Variants in ARMC9 observed in about 807,000 individuals in gnomAD.
The protein encoded by ARMC9 is lisH domain-containing protein ARMC9.
A neutral mutation model predicts 107.0 loss-of-function variants in ARMC9; 94 were observed. That is an observed-to-expected ratio of 0.88 (90% CI 0.74 to 1.04). ARMC9 has a LOEUF of 1.04. Ranked by LOEUF, ARMC9 falls within the 50% of genes least tolerant of loss-of-function variation. The pLI, the probability that ARMC9 is intolerant of heterozygous loss-of-function variation, is 0.00. For synonymous variants in ARMC9, 380 were observed against 396.9 expected, an observed-to-expected ratio of 0.96 and a Z score of 0.51; for missense variants, 942 against 1,030.1, an observed-to-expected ratio of 0.91 and a Z score of 1.17.
At chr2:231,346,177 C>G (rs2044805356) in intron 21 of ARMC9, among the ~76,000 whole-genome samples, 1 of 152,202 alleles carries the variant, frequency 6.6e-6, no homozygotes, top group Non-Finnish European at 1.5e-5. Flanking sequence ...GCCCTTTTCT[C>G]TCTTAAACTT....
chr2:231,209,818 G>A (rs900363521), intron 3 of ARMC9, among the ~76,000 whole-genome samples: 6 of 152,036 alleles, frequency 3.9e-5, no homozygotes, highest in African/African-American at 1.2e-4. Flanking sequence ...TTACAGATGT[G>A]GCCACCACAC....
intron 9 of ARMC9, among the ~76,000 whole-genome samples, chr2:231,245,896 G>A (rs1365553375): frequency 6.6e-6 from 1 of 152,128 alleles, no homozygotes; most frequent in Admixed American, 6.5e-5. Context: ...AGAGGGGGCT[G>A]TTCCACCCAC....
At chr2:231,354,379 T>G (rs2045247491) in intron 21 of ARMC9, among the ~76,000 whole-genome samples, 1 of 120,464 alleles carries the variant, frequency 8.3e-6, no homozygotes, top group Non-Finnish European at 1.7e-5. Context: ...CATGTGAATT[T>G]TTTTTTTTTT....
rs188247478 is a variant in ARMC9, at chr2:231,340,882, G to C, written c.1879-4093G>C. Among the ~76,000 whole-genome samples the C allele has an allele frequency of 1.6e-4, 25 of 151,942 alleles. No individual in the cohort carries two copies. In the South Asian group the frequency reaches 4.6e-3, roughly 28 times the overall value. Reference sequence around the variant, plus strand: ...CCGCCTGGGCAACAGAGCAAGCTCCGTCTCAAAACAAACAAACAAACAAAC... The same window carrying C: ...CCGCCTGGGCAACAGAGCAAGCTCCCTCTCAAAACAAACAAACAAACAAAC... On this transcript the variant is annotated intron_variant, in intron 20 of 24. Coordinates refer to ENST00000611582, the MANE Select transcript of ARMC9 (RefSeq NM_001352754.2).
chr2:231,315,571 T>C (rs1319098511), intron 19 of ARMC9, among the ~76,000 whole-genome samples: 1 of 152,144 alleles, frequency 6.6e-6, no homozygotes, highest in African/African-American at 2.4e-5. Context: ...TGACCACAAA[T>C]GTAAGAATTT....
At chr2:231,199,049 C>T (rs1221971011) in intron 1 of ARMC9, 1 of 152,220 alleles carries the variant, frequency 6.6e-6, no homozygotes, top group African/African-American at 2.4e-5. Flanking sequence ...TTTAGATCCC[C>T]CTGATAATCT....
rs1208161468 is a variant in ARMC9, at chr2:231,203,070, C to G, written c.-41-3128C>G. On this transcript the variant is annotated intron_variant, in intron 1 of 24. Transcript: ENST00000611582. ...GTCTGTAGGAGAGTGTGGCTCTGAC[C>G]TAACTCGGTCGGAAGTCCCTCCCAG... Among the ~76,000 whole-genome samples, 3 of 152,196 alleles carry G rather than the reference C, an allele frequency of 2.0e-5. No individual in the cohort carries two copies. In the South Asian group the frequency reaches 6.2e-4, roughly 32 times the overall value.
At chr2:231,304,933 G>A (rs981727459) in intron 19 of ARMC9, among the ~76,000 whole-genome samples, 2 of 152,138 alleles carry the variant, frequency 1.3e-5, no homozygotes, top group African/African-American at 2.4e-5. Context: ...GACATCTGCT[G>A]TATACTTAAG....
At chr2:231,235,468 C>T (rs1422779177) in intron 8 of ARMC9, 87 bp downstream of exon 8, 3 of 1,466,296 alleles carry the variant, frequency 2.0e-6, no homozygotes, top group Non-Finnish European at 1.8e-6. Flanking sequence ...GCAGGTGGAG[C>T]CTGCCTCTCT....
chr2:231,344,928 C>A, intron 20 of ARMC9, 47 bp from the exon 21 acceptor site: 1 of 1,594,690 alleles, frequency 6.3e-7, no homozygotes. Flanking sequence ...TAGGTCAGCT[C>A]TCTAATAGAT....
chr2:231,293,023 A>G (rs1169020719), intron 18 of ARMC9, among the ~76,000 whole-genome samples: 1 of 152,136 alleles, frequency 6.6e-6, no homozygotes, highest in Non-Finnish European at 1.5e-5. Context: ...CGCAGAAACG[A>G]GGGTGTCCAA....
At chr2:231,314,719 A>T (rs1179371303) in intron 19 of ARMC9, among the ~76,000 whole-genome samples, 6 of 152,194 alleles carry the variant, frequency 3.9e-5, no homozygotes. Context: ...CTAGTTGGAA[A>T]CCATTGGCCT....
At chr2:231,256,727 C>A in intron 10 of ARMC9, 107 bp downstream of exon 10, 1 of 1,189,148 alleles carries the variant, frequency 8.4e-7, no homozygotes, top group Non-Finnish European at 1.2e-6. Context: ...AGAGGAATGC[C>A]TTTGAGCTAG....
chr2:231,285,584 T>G (rs1351829968), intron 17 of ARMC9, among the ~76,000 whole-genome samples: 9 of 151,596 alleles, frequency 5.9e-5, no homozygotes, highest in Non-Finnish European at 1.3e-4. Context: ...AGACAGAGGT[T>G]GTAGTGAGCT....
At chr2:231,302,439 T>TG (rs2041801108) in intron 19 of ARMC9, among the ~76,000 whole-genome samples, 3 of 101,114 alleles carry the variant, frequency 3.0e-5, no homozygotes, top group Non-Finnish European at 5.1e-5. Context: ...GTGGGTTTGT[T>TG]TTTTTTTTTT....
In ARMC9 at chr2:231,371,924, C is replaced by T; in HGVS notation, c.*389C>T. 5.0e-6 allele frequency: 1 copy of T among 201,036 alleles called. No individual in the cohort carries two copies. The highest frequency in any genetic ancestry group is 1.0e-5 in the Non-Finnish European group (1 of 100,368). The allele number at this position is 201,036 out of a possible 1,614,324, so 12.5% of individuals were successfully genotyped here. ...CAACAGGGCGACAGTGTAGGGCCAGCCTGGAGCAGGGCTTTTCCAAGGCTG... is the reference window on the plus strand; with the variant it reads ...CAACAGGGCGACAGTGTAGGGCCAGTCTGGAGCAGGGCTTTTCCAAGGCTG... On this transcript the variant is annotated 3_prime_UTR_variant, in exon 25 of 25. Transcript: ENST00000611582.
intron 23 of ARMC9, among the ~76,000 whole-genome samples, chr2:231,361,301 C>T (rs2045567628): frequency 6.6e-6 from 1 of 151,886 alleles, no homozygotes; most frequent in Admixed American, 6.6e-5. Context: ...CTTCCTGAAA[C>T]AGAAACTGGG....
rs915205064 is a variant in ARMC9 at position 231,324,190 on chromosome 2, C to T, written c.1774-7603C>T. Among the ~76,000 whole-genome samples the T allele has an allele frequency of 1.2e-3, 145 of 125,320 alleles. 2 individuals are homozygous for T. Among genetic ancestry groups the T allele is most frequent in the African/African-American group, 4.4e-3 (139 of 31,646 alleles). 82.2% of individuals were successfully genotyped at this position (125,320 alleles called of 152,430 possible). Reference sequence around the variant, plus strand: ...TTGCCCAGGCTGGAGTGCAGTGGTGCAATCTCGGCTCACTGCAACCTCCGC... The same window carrying T: ...TTGCCCAGGCTGGAGTGCAGTGGTGTAATCTCGGCTCACTGCAACCTCCGC... On this transcript the variant is annotated intron_variant, in intron 19 of 24. Transcript: ENST00000611582.
Position 231,222,801 on chromosome 2 carries a change from C to G in ARMC9, c.578C>G (p.Pro193Arg). 6.3e-7 allele frequency: 1 copy of G among 1,588,540 alleles called. No homozygotes were observed. Among genetic ancestry groups the G allele is most frequent in the Non-Finnish European group, 8.6e-7 (1 of 1,158,694 alleles). Residue 193 changes from proline (P) to arginine (R), a missense_variant, in exon 6 of 25, where the codon CCA becomes CGA. Pro to Arg is a moderately radical substitution (Grantham distance 103, BLOSUM62 -2). Transcript: ENST00000611582. Reference sequence around the variant, plus strand: ...TTAATATCTAAAGCCAGCAACACGCCAAAGCTTTTAACAATATATGTATCC... The same window carrying G: ...TTAATATCTAAAGCCAGCAACACGCGAAAGCTTTTAACAATATATGTATCC... ...LALISKASNT[P>R]KLLTIYKENG...
Sources: allele counts gnomAD v4.1 joint callset (sites outside exome capture counted in the v4.1 genomes callset), GRCh38; gene constraint gnomAD v4.1.1; transcripts MANE v1.5; gene names NCBI Gene and HGNC (gene_info 2026-07-23, HGNC 2026-07-21).